Variants in TOPAZ1 observed in about 807,000 individuals in gnomAD.
TOPAZ1 encodes testis and ovary specific TOPAZ 1, also known as protein TOPAZ1.
TOPAZ1 carries 66 observed loss-of-function variants against 172.2 expected under a neutral mutation model. The ratio of observed to expected loss-of-function variants is 0.38; its 90% CI spans 0.31 to 0.47. The LOEUF (loss-of-function observed/expected upper bound fraction) is 0.47, where lower values mean the gene tolerates loss of function less well. TOPAZ1 is among the 20% of genes least tolerant of loss of function. The pLI, the probability that TOPAZ1 is intolerant of heterozygous loss-of-function variation, is 0.99. For missense variants in TOPAZ1, 1,822 were observed against 1,972.4 expected, an observed-to-expected ratio of 0.92 and a Z score of 1.44; for synonymous variants, 681 against 683.9, an observed-to-expected ratio of 1.00 and a Z score of 0.07.
rs1346452539 is a variant in TOPAZ1 at position 44,304,001 on chromosome 3, T to C, written c.3798-14T>C. 6.7e-7 allele frequency: 1 copy of C among 1,496,956 alleles called. No homozygotes were observed. Among genetic ancestry groups the C allele is most frequent in the South Asian group, 1.2e-5 (1 of 80,582 alleles). 92.7% of individuals were successfully genotyped at this position (1,496,956 alleles called of 1,614,324 possible). On this transcript the variant is annotated splice_polypyrimidine_tract_variant and intron_variant, in intron 12 of 19. Transcript: ENST00000309765. Reference sequence around the variant, plus strand: ...GGTGAATATAGTATAATTAACTCTTTTCTTTTGTTAAAGGTTACAGATGAG... The same window carrying C: ...GGTGAATATAGTATAATTAACTCTTCTCTTTTGTTAAAGGTTACAGATGAG...
chr3:44,318,511 G>T (rs1255086049), intron 16 of TOPAZ1, among the ~76,000 whole-genome samples: 1 of 150,098 alleles, frequency 6.7e-6, no homozygotes, highest in Admixed American at 6.6e-5. Flanking sequence ...GTGGGGCGGG[G>T]GAGGGTTTGC....
At chr3:44,298,407 G>A (rs1382423572) in intron 12 of TOPAZ1, among the ~76,000 whole-genome samples, 1 of 152,094 alleles carries the variant, frequency 6.6e-6, no homozygotes, top group Non-Finnish European at 1.5e-5. Flanking sequence ...GCAATGAGCC[G>A]TGATTGCACC....
At chr3:44,270,483 C>G (rs1466028133) in intron 7 of TOPAZ1, among the ~76,000 whole-genome samples, 2 of 152,202 alleles carry the variant, frequency 1.3e-5, no homozygotes, top group Admixed American at 1.3e-4. Context: ...AAAATCCAGA[C>G]AAATCACTCT....
At chr3:44,269,422 A>G (rs1403230298) in intron 7 of TOPAZ1, 121 bp downstream of exon 7, 2 of 564,230 alleles carry the variant, frequency 3.5e-6, no homozygotes, top group African/African-American at 4.1e-5. Context: ...TTAAAAAAAT[A>G]ATTTTATAAA....
chr3:44,266,053 C>T (rs1699826987), intron 5 of TOPAZ1, among the ~76,000 whole-genome samples: 2 of 152,162 alleles, frequency 1.3e-5, no homozygotes, highest in South Asian at 4.1e-4. Flanking sequence ...GCAAGTTGAC[C>T]TTGCACTTCC....
intron 17 of TOPAZ1, among the ~76,000 whole-genome samples, chr3:44,322,014 C>G (rs947494627): frequency 9.2e-5 from 14 of 152,276 alleles, no homozygotes; most frequent in African/African-American, 3.4e-4. Context: ...ATTTTCTTCT[C>G]TGTGTATAAA....
In TOPAZ1 at chr3:44,331,980, C is replaced by T; in HGVS notation, c.5048C>T (p.Ala1683Val). The T allele has an allele frequency of 6.5e-7, 1 of 1,548,004 alleles. No homozygotes were observed. The highest frequency in any genetic ancestry group is 1.2e-5 in the South Asian group (1 of 83,904). Residue 1683 changes from alanine to valine, a missense_variant, in exon 20 of 20, where the codon GCT (alanine) becomes GTT (valine). Around this residue, in one of 2 missense-constraint regions of TOPAZ1, gnomAD observed 333 missense variants for 481.7 expected, o/e 0.69. Transcript: ENST00000309765. ...LKWLKENMKW[A>V]GKVWLFSNH ...TGGTTAAAAGAGAATATGAAGTGGG[C>T]TGGAAAGGTTTGGCTTTTCAGTAAC...
In TOPAZ1 at chr3:44,273,318, A is replaced by T. The variant is rs1464139633; in HGVS notation, c.3372+2508A>T. On this transcript the variant is annotated intron_variant, in intron 8 of 19. Coordinates refer to ENST00000309765, the MANE Select transcript of TOPAZ1 (RefSeq NM_001145030.2). ...AAGCCTTTCTGTGATAAGGCTTAAA[A>T]GGTTAGTTACATGGTGGTAAAAGGC... 2.0e-5 allele frequency among the ~76,000 whole-genome samples: 3 copies of T among 152,214 alleles called. No individual in the cohort carries two copies. In the East Asian group the frequency reaches 5.8e-4, roughly 29 times the overall value.
In TOPAZ1 at chr3:44,242,208, T is replaced by C; in HGVS notation, c.155T>C (p.Met52Thr). ...GCRENKQKRRMVARATPGRGE... is the reference protein window; with the variant it reads ...GCRENKQKRRTVARATPGRGE... ...CGGGAAAATAAGCAAAAGAGGAGAA[T>C]GGTGGCCCGGGCCACCCCTGGGAGA... The change falls in exon 1 of 20, where the codon ATG becomes ACG. Residue 52 changes from methionine to threonine, a missense_variant. Met to Thr is a moderately conservative substitution (Grantham distance 81). Transcript: ENST00000309765. 6.5e-7 allele frequency: 1 copy of C among 1,542,820 alleles called. No individual in the cohort carries two copies. Among genetic ancestry groups the C allele is most frequent in the Non-Finnish European group, 8.7e-7 (1 of 1,143,934 alleles).
intron 6 of TOPAZ1, among the ~76,000 whole-genome samples, chr3:44,267,754 A>G (rs577763904): frequency 6.6e-6 from 1 of 152,332 alleles, no homozygotes; most frequent in South Asian, 2.1e-4. Flanking sequence ...AATATTTTGA[A>G]CAAAATAGAC....
chr3:44,262,906 A>G (rs1699790521), intron 5 of TOPAZ1, among the ~76,000 whole-genome samples: 1 of 152,206 alleles, frequency 6.6e-6, no homozygotes, highest in Admixed American at 6.5e-5. Context: ...CTTAAAGACC[A>G]TCTGATCCAT....
chr3:44,287,747 C>T lies in TOPAZ1; in HGVS notation c.3589C>T (p.Pro1197Ser). 6.9e-7 allele frequency: 1 copy of T among 1,443,668 alleles called. No homozygotes were observed. Among genetic ancestry groups the T allele is most frequent in the Non-Finnish European group, 9.3e-7 (1 of 1,072,510 alleles). 89.4% of individuals were successfully genotyped at this position (1,443,668 alleles called of 1,614,324 possible). The stretch of plus-strand genomic sequence containing the variant: ...AGTGTAATTTTTTTGTTTTATCCAG[C>T]CTTCTCTGAAAATATTACTAAACAT... ...VNLSIMVKML[P>S]SLKILLNIFE... is the part of the protein sequence containing the mutation. The change falls in exon 11 of 20, where the codon CCT becomes TCT. Residue 1197 changes from proline (P) to serine (S), a missense_variant and splice_region_variant. Pro to Ser is a moderately conservative substitution (Grantham distance 74). Transcript: ENST00000309765.
At chr3:44,304,126 A>C in intron 13 of TOPAZ1, 45 bp downstream of exon 13, 1 of 1,156,822 alleles carries the variant, frequency 8.6e-7, no homozygotes, top group Non-Finnish European at 1.2e-6. Context: ...ATCTCTGAAA[A>C]TCAATAGCAA....
intron 19 of TOPAZ1, among the ~76,000 whole-genome samples, chr3:44,329,395 C>T (rs1700639042): frequency 6.6e-6 from 1 of 152,142 alleles, no homozygotes. Context: ...TGGGTGGAAG[C>T]CTCATTTCAC....
At chr3:44,327,566 C>T (rs1462533095) in intron 18 of TOPAZ1, among the ~76,000 whole-genome samples, 7 of 152,148 alleles carry the variant, frequency 4.6e-5, no homozygotes, top group Admixed American at 4.6e-4. Flanking sequence ...CAATGCCAGA[C>T]ATTTAGTAGC....
At chr3:44,260,130 A>AG (rs913887155) in intron 4 of TOPAZ1, among the ~76,000 whole-genome samples, 1 of 152,126 alleles carries the variant, frequency 6.6e-6, no homozygotes, top group Non-Finnish European at 1.5e-5. Flanking sequence ...ACCTTGTGTA[A>AG]GTTTCCTGAG....
At chr3:44,332,348 G>A (rs1700680179), downstream of TOPAZ1, among the ~76,000 whole-genome samples, 1 of 152,054 alleles carries the variant, frequency 6.6e-6, no homozygotes, top group Non-Finnish European at 1.5e-5. Flanking sequence ...GGAGTTTTCA[G>A]GAAAACATTT....
intron 2 of TOPAZ1, 71 bp from the exon 3 acceptor site, chr3:44,254,897 A>T: frequency 8.9e-7 from 1 of 1,119,014 alleles, no homozygotes; most frequent in Non-Finnish European, 1.3e-6. Context: ...GACTATTATT[A>T]ATGTTTAGAG....
intron 16 of TOPAZ1, among the ~76,000 whole-genome samples, chr3:44,318,912 C>T (rs1000435544): frequency 6.6e-6 from 1 of 150,522 alleles, no homozygotes; most frequent in Non-Finnish European, 1.5e-5. Context: ...GAAGCCTTTG[C>T]GGGCACAGAA....
Sources: allele counts gnomAD v4.1 joint callset (sites outside exome capture counted in the v4.1 genomes callset), GRCh38; gene constraint gnomAD v4.1.1; regional missense constraint gnomAD v4.1.1; transcripts MANE v1.5; gene names NCBI Gene and HGNC (gene_info 2026-07-23, HGNC 2026-07-21).